Variants in IGSF1 observed in about 807,000 individuals in gnomAD.
IGSF1 encodes immunoglobulin superfamily member 1.
Under a neutral mutation model 95.3 loss-of-function variants are expected in IGSF1, and 40 were observed. That is an observed-to-expected ratio of 0.42 (90% CI 0.33 to 0.55). IGSF1 has a LOEUF of 0.55. Among genes scored for constraint, IGSF1 ranks in the 20% least tolerant of loss-of-function variants. The probability of loss-of-function intolerance (pLI) is 0.10; values close to 1 mark genes in which losing one functional copy is unlikely to be tolerated. For synonymous variants in IGSF1, 372 were observed against 382.9 expected, an observed-to-expected ratio of 0.97 and a Z score of 0.33; for missense variants, 906 against 1,025.4, an observed-to-expected ratio of 0.88 and a Z score of 1.59.
rs1161560765 is a variant in IGSF1, at chrX:131,273,924, C to T, written c.3883G>A (p.Glu1295Lys). The change falls in exon 20 of 20, where the codon GAG becomes AAG. Residue 1295 changes from glutamate to lysine, a missense_variant. By Grantham distance (56) the Glu-to-Lys change is moderately conservative (BLOSUM62 1). This residue lies in a region of IGSF1 where 411 missense variants were observed against 494.9 expected (regional missense o/e 0.83). Coordinates refer to ENST00000361420, the MANE Select transcript of IGSF1 (RefSeq NM_001555.5). ...KWPRLRTRGS[E>K]TDGRDQTIAL... is the part of the protein sequence containing the mutation. ...ATGGTCTGGTCTCTTCCGTCTGTCT[C>T]TGAGCCTCTATGTAAAGAAAAAGAC... The T allele has an allele frequency of 8.3e-7, 1 of 1,207,922 alleles. No homozygotes were observed. Among genetic ancestry groups the T allele is most frequent in the Non-Finnish European group, 1.1e-6 (1 of 894,328 alleles).
At position 131,278,594 on chromosome X, in the gene IGSF1, C is replaced by T. The variant is rs779475428; in HGVS notation, c.1908G>A (p.Pro636=). 1.8e-5 allele frequency: 22 copies of T among 1,209,998 alleles called. No individual in the cohort carries two copies. Among genetic ancestry groups the T allele is most frequent in the Middle Eastern group, 2.3e-4 (1 of 4,377 alleles). ...AGGCAGCCCGGACCTGCTCTGAGGC[C>T]GGGCGAGTGGCGATCCACCCGGTCC... is the stretch of plus-strand genomic sequence containing the variant. The part of the protein sequence containing the change: ...KDGTGWIATR[P]ASEQVRAAFP... Residue 636 remains proline, a synonymous_variant, in exon 12 of 20, where the codon CCG becomes CCA. Transcript: ENST00000361420.
intron 10 of IGSF1, 21 bp downstream of exon 10, chrX:131,279,250 C>T: frequency 8.3e-7 from 1 of 1,209,663 alleles, no homozygotes; most frequent in Non-Finnish European, 1.1e-6. Context: ...GCCCGGGGCC[C>T]CTTCCCCCAC....
chrX:131,285,429 C>G lies in IGSF1; in HGVS notation c.417G>C (p.Glu139Asp), dbSNP rs763233730. 2 of 1,208,729 alleles carry G rather than the reference C, an allele frequency of 1.7e-6. No individual in the cohort carries two copies. The highest frequency in any genetic ancestry group is 2.2e-5 in the Admixed American group (1 of 45,956). Residue 139 changes from glutamate (E) to aspartate (D), a missense_variant, in exon 5 of 20, where the codon GAG becomes GAC. Physicochemically the swap from Glu to Asp is conservative, Grantham distance 45 (BLOSUM62 2). This residue lies in a region of IGSF1 where 442 missense variants were observed against 448.1 expected (regional missense o/e 0.99). Coordinates refer to ENST00000361420, the MANE Select transcript of IGSF1 (RefSeq NM_001555.5). The part of the protein sequence containing the change: ...LPKPIFWIQA[E>D]TPALPGCNVN... ...CATTACACCCAGGAAGAGCGGGGGTCTCAGCCTGAATCCAGAAGATGGGCT... is the reference window on the plus strand; with the variant it reads ...CATTACACCCAGGAAGAGCGGGGGTGTCAGCCTGAATCCAGAAGATGGGCT...
At chrX:131,286,830 T>C in intron 1 of IGSF1, 89 bp from the exon 2 acceptor site, 1 of 411,633 alleles carries the variant, frequency 2.4e-6, no homozygotes, top group South Asian at 5.9e-5. Flanking sequence ...CAACCCTACA[T>C]TGTACTTCCT....
At chrX:131,289,075 T>C (rs1378356969) in intron 1 of IGSF1, 139 bp downstream of exon 1, 1 of 316,576 alleles carries the variant, frequency 3.2e-6, no homozygotes, top group African/African-American at 2.7e-5. Context: ...ATGAAGCGGG[T>C]GGGGGGACAG....
rs2080479288 is a variant in IGSF1, at chrX:131,276,703, T to C, written c.2608+236A>G. ...GCTCTTGGGATTAGACACCCCCATC[T>C]ACCTCATTTATTTCCCCAGAAGTGA... On this transcript the variant is annotated intron_variant, in intron 14 of 19. Coordinates refer to ENST00000361420, the MANE Select transcript of IGSF1 (RefSeq NM_001555.5). Among the ~76,000 whole-genome samples, 3 of 111,831 alleles carry C rather than the reference T, an allele frequency of 2.7e-5. No individual in the cohort carries two copies. The South Asian group carries it at 1.1e-3, about 43-fold the overall frequency.
rs773225730 is a variant in IGSF1, at chrX:131,279,096, C to T, written c.1750+47G>A. ...TGACACTGACGCTCTGTAGTTATTT[C>T]GGATCTCCAGGGAGGAATGTCCCAG... On this transcript the variant is annotated intron_variant, in intron 11 of 19. Transcript: ENST00000361420. 4 of 1,130,859 alleles carry T rather than the reference C, an allele frequency of 3.5e-6. No homozygotes were observed. In the South Asian group the frequency reaches 5.4e-5, roughly 15 times the overall value. 93.2% of individuals were successfully genotyped at this position (1,130,859 alleles called of 1,213,427 possible). A position where few individuals can be genotyped will look rare whatever the true frequency, so the allele number is the denominator to read the frequency against.
Position 131,285,411 on chromosome X carries a change from C to T in IGSF1, c.435G>A (p.Gly145=), listed in dbSNP as rs771532544. The change falls in exon 5 of 20, where the codon GGG becomes GGA. Residue 145 remains glycine (G), a synonymous_variant. Coordinates refer to ENST00000361420, the MANE Select transcript of IGSF1 (RefSeq NM_001555.5). ...WIQAETPALP[G]CNVNILCHGW... ...CATGGCAGAGGATGTTAACATTACA[C>T]CCAGGAAGAGCGGGGGTCTCAGCCT... 2 of 1,209,835 alleles carry T rather than the reference C, an allele frequency of 1.7e-6. No homozygotes were observed. The highest frequency in any genetic ancestry group is 1.1e-6 in the Non-Finnish European group (1 of 894,061).
intron 13 of IGSF1, 31 bp from the exon 14 acceptor site, chrX:131,277,257 AAAAC>A: frequency 2.7e-6 from 3 of 1,123,733 alleles, no homozygotes; most frequent in Non-Finnish European, 3.6e-6. Context: ...ACAAAAACAA[AAAAC>A]AAAATACAAC....
chrX:131,280,417 G>A (rs2080539896), intron 9 of IGSF1, among the ~76,000 whole-genome samples: 1 of 111,453 alleles, frequency 9.0e-6, no homozygotes, highest in Non-Finnish European at 1.9e-5. Context: ...CAGTTGCAGG[G>A]CGGGGGGTAC....
Position 131,273,715 on chromosome X carries a change from A to G in IGSF1, c.*81T>C. ...GACCAAGGAACAGCAGATGGGGCTG[A>G]CTTGCAGGGTAACTGGTTGGATTTA... On this transcript the variant is annotated 3_prime_UTR_variant, in exon 20 of 20. Coordinates refer to ENST00000361420, the MANE Select transcript of IGSF1 (RefSeq NM_001555.5). The G allele has an allele frequency of 1.0e-6, 1 of 992,184 alleles. No homozygotes were observed. Among genetic ancestry groups the G allele is most frequent in the Non-Finnish European group, 1.4e-6 (1 of 718,742 alleles). 81.8% of individuals were successfully genotyped at this position (992,184 alleles called of 1,213,427 possible).
At position 131,276,113 on chromosome X, in the gene IGSF1, A is replaced by G. The variant is rs2080470602; in HGVS notation, c.2744T>C (p.Leu915Ser). 8.3e-7 allele frequency: 1 copy of G among 1,211,341 alleles called. No individual in the cohort carries two copies. Among genetic ancestry groups the G allele is most frequent in the East Asian group, 3.0e-5 (1 of 33,829 alleles). Residue 915 changes from leucine (L) to serine (S), a missense_variant, in exon 15 of 20, where the codon TTA becomes TCA. This residue lies in a region of IGSF1 where 411 missense variants were observed against 494.9 expected (regional missense o/e 0.83). Transcript: ENST00000361420. Reference sequence around the variant, plus strand: ...GTTCCCTGAGACACTCCGAAACTGTAAGGGAACATGGGCTCCCTCCTGCAA... The same window carrying G: ...GTTCCCTGAGACACTCCGAAACTGTGAGGGAACATGGGCTCCCTCCTGCAA... The part of the protein sequence containing the change: ...ALLQEGAHVP[L>S]QFRSVSGNSA...
rs1279922428 is a variant in IGSF1, at chrX:131,275,005, C to T, written c.3466G>A (p.Val1156Met). The T allele has an allele frequency of 8.3e-7, 1 of 1,211,206 alleles. No individual in the cohort carries two copies. The highest frequency in any genetic ancestry group is 1.1e-6 in the Non-Finnish European group (1 of 894,927). The change falls in exon 17 of 20, where the codon GTG (valine) becomes ATG (methionine). Residue 1156 changes from valine (V) to methionine (M), a missense_variant. Physicochemically the swap from Val to Met is conservative, Grantham distance 21. Coordinates refer to ENST00000361420, the MANE Select transcript of IGSF1 (RefSeq NM_001555.5). Reference sequence around the variant, plus strand: ...GAAGTCTCCAGGACCTTACCAGTCACCCAGATCTCCAGGGAGTCACTGTGA... The same window carrying T: ...GAAGTCTCCAGGACCTTACCAGTCATCCAGATCTCCAGGGAGTCACTGTGA... ...SNHSDSLEIW[V>M]TDKPPKPSLS...
Position 131,275,944 on chromosome X carries a change from G to A in IGSF1, c.2896+17C>T, listed in dbSNP as rs774618524. The stretch of plus-strand genomic sequence containing the variant: ...CCAATGATCTCCATCCCAGTCCCAT[G>A]TCCGGTCGGTCCTTACCAGTCACCC... On this transcript the variant is annotated intron_variant, in intron 15 of 19. Transcript: ENST00000361420. The A allele has an allele frequency of 4.2e-6, 5 of 1,201,515 alleles. No individual in the cohort carries two copies. In the East Asian group the frequency reaches 1.2e-4, roughly 28 times the overall value.
intron 1 of IGSF1, among the ~76,000 whole-genome samples, 160 bp from the exon 2 acceptor site, chrX:131,286,901 A>T (rs1317353180): frequency 9.1e-6 from 1 of 109,954 alleles, no homozygotes; most frequent in African/African-American, 3.3e-5. Flanking sequence ...CCTTTCCCTC[A>T]CTTCCCTATC....
chrX:131,281,368 C>T, intron 8 of IGSF1, 30 bp from the exon 9 acceptor site: 6 of 1,207,666 alleles, frequency 5.0e-6, no homozygotes, highest in Non-Finnish European at 6.7e-6. Context: ...GAATCAGAGG[C>T]CTTGATGGGG....
intron 14 of IGSF1, 56 bp from the exon 15 acceptor site, chrX:131,276,304 A>G (rs2080473511): frequency 1.0e-6 from 1 of 989,746 alleles, no homozygotes. Flanking sequence ...TCCTGCAAAT[A>G]GCCTTTTAAA....
intron 11 of IGSF1, among the ~76,000 whole-genome samples, 165 bp from the exon 12 acceptor site, chrX:131,278,916 G>A (rs1217740892): frequency 9.0e-6 from 1 of 111,363 alleles, no homozygotes; most frequent in Non-Finnish European, 1.9e-5. Flanking sequence ...GAAAGGGGAA[G>A]CTGGTGTCTT....
intron 6 of IGSF1, 80 bp downstream of exon 6, chrX:131,282,900 A>G (rs952547434): frequency 4.1e-6 from 4 of 980,648 alleles, no homozygotes; most frequent in African/African-American, 3.8e-5. Context: ...TGGCCACAGG[A>G]TTAGGTTCTC....
Sources: allele counts gnomAD v4.1 joint callset (sites outside exome capture counted in the v4.1 genomes callset), GRCh38; gene constraint gnomAD v4.1.1; regional missense constraint gnomAD v4.1.1; transcripts MANE v1.5; gene names NCBI Gene and HGNC (gene_info 2026-07-23, HGNC 2026-07-21).